Variants in NPC1 observed in about 807,000 individuals in gnomAD.
NPC1 encodes NPC intracellular cholesterol transporter 1.
NPC1 carries 85 observed loss-of-function variants against 140.4 expected under a neutral mutation model. That is an observed-to-expected ratio of 0.61 (90% CI 0.51 to 0.72). The LOEUF is 0.72. Ranked by LOEUF, NPC1 falls within the 30% of genes least tolerant of loss-of-function variation. The pLI, the probability that NPC1 is intolerant of heterozygous loss-of-function variation, is 0.00. For missense variants in NPC1, 1,504 were observed against 1,623.8 expected (o/e 0.93, Z 1.27); for synonymous variants, 656 against 624.8 (o/e 1.05, Z -0.74).
chr18:23,529,308 A>G, downstream of NPC1: 1 of 1,603,808 alleles, frequency 6.2e-7, no homozygotes, highest in African/African-American at 1.3e-5. Context: ...GGTGGGCTGC[A>G]GCTTTCCGCC....
At chr18:23,522,055 G>A (rs143768838), downstream of NPC1, among the ~76,000 whole-genome samples, 10 of 152,274 alleles carry the variant, frequency 6.6e-5, no homozygotes, top group African/African-American at 1.2e-4. Flanking sequence ...TCCTTGTACC[G>A]TTCACCCGGG....
intron 1 of NPC1, among the ~76,000 whole-genome samples, chr18:23,583,899 G>A (rs2059385339): frequency 6.6e-6 from 1 of 152,186 alleles, no homozygotes; most frequent in Admixed American, 6.5e-5. Context: ...ATTTCCCACA[G>A]TCATTCCAAT....
At chr18:23,519,042 A>T (rs532122313), downstream of NPC1, 7 of 1,613,002 alleles carry the variant, frequency 4.3e-6, no homozygotes, top group East Asian at 1.6e-4. Context: ...CAGCTTGTTG[A>T]TCTGTTTTTT....
At chr18:23,540,154 C>T (rs182584741) in intron 17 of NPC1, among the ~76,000 whole-genome samples, 153 bp from the exon 18 acceptor site, 3 of 152,306 alleles carry the variant, frequency 2.0e-5, no homozygotes, top group Non-Finnish European at 4.4e-5. Flanking sequence ...AGTCTTCCCC[C>T]CAGGGCCCCA....
downstream of NPC1, among the ~76,000 whole-genome samples, chr18:23,521,097 C>T (rs1003104045): frequency 5.9e-5 from 9 of 152,004 alleles, no homozygotes; most frequent in African/African-American, 1.9e-4. Flanking sequence ...TCAGGTGATC[C>T]GCCTGCCTCG....
intron 22 of NPC1, 131 bp downstream of exon 22, chr18:23,535,338 C>T: frequency 1.3e-6 from 1 of 740,908 alleles, no homozygotes; most frequent in South Asian, 1.5e-5. Context: ...CCTGCCTCTC[C>T]ATGTGTGCCA....
intron 10 of NPC1, among the ~76,000 whole-genome samples, chr18:23,550,971 C>T (rs1484125526): frequency 6.6e-6 from 1 of 152,190 alleles, no homozygotes; most frequent in East Asian, 1.9e-4. Flanking sequence ...TGCAACTTCT[C>T]CCCTGCCACC....
chr18:23,518,812 A>AC (rs2058073495), downstream of NPC1: 3 of 1,288,356 alleles, frequency 2.3e-6, no homozygotes, highest in African/African-American at 4.4e-5. Context: ...CTTATAATTT[A>AC]CTTAACCGTG....
chr18:23,544,973 C>T lies in NPC1; in HGVS notation c.1934G>A (p.Cys645Tyr). Reference protein sequence around the residue: ...ISLALGHMKSCRRLLVDSKVS... With the variant: ...ISLALGHMKSYRRLLVDSKVS... Reference sequence around the variant, plus strand: ...CCCCCGGCTTACCAGAAGCCTGCGACAGCTTTTCATGTGCCCCAAGGCTAG... The same window carrying T: ...CCCCCGGCTTACCAGAAGCCTGCGATAGCTTTTCATGTGCCCCAAGGCTAG... Residue 645 changes from cysteine (C) to tyrosine (Y), a missense_variant, in exon 12 of 25, where the codon TGT becomes TAT. By Grantham distance (194) the Cys-to-Tyr change is radical (BLOSUM62 -2). Coordinates refer to ENST00000269228, the MANE Select transcript of NPC1 (RefSeq NM_000271.5). The T allele has an allele frequency of 6.5e-7, 1 of 1,547,446 alleles. No homozygotes were observed. The highest frequency in any genetic ancestry group is 8.9e-7 in the Non-Finnish European group (1 of 1,127,312).
chr18:23,555,194 A>G (rs2058932028), intron 8 of NPC1, among the ~76,000 whole-genome samples: 1 of 152,234 alleles, frequency 6.6e-6, no homozygotes, highest in South Asian at 2.1e-4. Flanking sequence ...AGAGGCGTCC[A>G]CAGAGGCGGC....
rs779709018 is a variant in NPC1 at position 23,560,496 on chromosome 18, G to A, written c.632-16C>T. 1 of 1,613,748 alleles carries A rather than the reference G, an allele frequency of 6.2e-7. No homozygotes were observed. The highest frequency in any genetic ancestry group is 2.2e-5 in the East Asian group (1 of 44,890). Reference sequence around the variant, plus strand: ...ACTGGAAAATCTACAGAAAGGAATTGTGTTGAGTACAAATCTCAATTAAAA... The same window carrying A: ...ACTGGAAAATCTACAGAAAGGAATTATGTTGAGTACAAATCTCAATTAAAA... On this transcript the variant is annotated splice_polypyrimidine_tract_variant and intron_variant, in intron 5 of 24. Transcript: ENST00000269228.
At chr18:23,560,642 G>A (rs1305224305) in intron 5 of NPC1, among the ~76,000 whole-genome samples, 162 bp from the exon 6 acceptor site, 1 of 152,178 alleles carries the variant, frequency 6.6e-6, no homozygotes, top group South Asian at 2.1e-4. Context: ...TTGCTGCTTC[G>A]TCCTATGGAA....
downstream of NPC1, chr18:23,529,676 C>T (rs778590287): frequency 1.7e-5 from 27 of 1,614,112 alleles, no homozygotes; most frequent in South Asian, 2.4e-4. Flanking sequence ...TGATGGAATA[C>T]ATTCGTTCTC....
At chr18:23,519,584 T>C (rs972409679), downstream of NPC1, among the ~76,000 whole-genome samples, 17 of 152,140 alleles carry the variant, frequency 1.1e-4, no homozygotes, top group Non-Finnish European at 1.8e-4. Context: ...TGCTAAGAGT[T>C]TTGGTCTTCC....
intron 6 of NPC1, among the ~76,000 whole-genome samples, chr18:23,559,706 C>T (rs1223666164): frequency 6.6e-6 from 1 of 151,852 alleles, no homozygotes; most frequent in Non-Finnish European, 1.5e-5. Context: ...TCCCAGCACT[C>T]TGGGAGGCCA....
chr18:23,512,563 G>GGTGT (rs1379926548), intron 3 of NPC1, among the ~76,000 whole-genome samples: 2 of 151,918 alleles, frequency 1.3e-5, no homozygotes, highest in African/African-American at 4.8e-5. Flanking sequence ...TGGAACTACA[G>GGTGT]GTGTGTGCCA....
chr18:23,545,183 AAACT>A (rs746250032), intron 11 of NPC1, 34 bp from the exon 12 acceptor site: 16 of 1,450,632 alleles, frequency 1.1e-5, no homozygotes, highest in Non-Finnish European at 1.5e-5. Context: ...ATTTTTAGTT[AAACT>A]AACTGACAGC....
intron 22 of NPC1, 40 bp from the exon 23 acceptor site, chr18:23,534,599 T>C (rs1384291544): frequency 6.6e-7 from 1 of 1,522,660 alleles, no homozygotes; most frequent in East Asian, 2.3e-5. Context: ...TCTCTTCCTG[T>C]TGAAGACCCT....
intron 17 of NPC1, 52 bp from the exon 18 acceptor site, chr18:23,540,053 T>G: frequency 6.7e-7 from 1 of 1,492,748 alleles, no homozygotes; most frequent in Non-Finnish European, 9.3e-7. Context: ...TGATAGTAAC[T>G]AAGCAAGGCG....
Sources: allele counts gnomAD v4.1 joint callset (sites outside exome capture counted in the v4.1 genomes callset), GRCh38; gene constraint gnomAD v4.1.1; transcripts MANE v1.5; gene names NCBI Gene and HGNC (gene_info 2026-07-23, HGNC 2026-07-21).